SSH2: variants seen among roughly 807,000 people sequenced by gnomAD.
The protein encoded by SSH2 is protein phosphatase Slingshot homolog 2.
SSH2 carries 37 observed loss-of-function variants against 135.2 expected under a neutral mutation model. That is an observed-to-expected ratio of 0.27 (90% CI 0.21 to 0.36). SSH2 has a LOEUF of 0.36. Among genes scored for constraint, SSH2 ranks in the 10% least tolerant of loss-of-function variants. The pLI, the probability that SSH2 is intolerant of heterozygous loss-of-function variation, is 1.00. For synonymous variants in SSH2, 628 were observed against 646.2 expected (o/e 0.97, Z 0.43); for missense variants, 1,408 against 1,765.3 (o/e 0.80, Z 3.63).
intron 2 of SSH2, among the ~76,000 whole-genome samples, chr17:29,802,989 C>T (rs1021132627): frequency 6.6e-6 from 1 of 152,102 alleles, no homozygotes; most frequent in African/African-American, 2.4e-5. Flanking sequence ...TTCTAAGAGA[C>T]ATATGTGCTT....
At chr17:29,864,817 A>G (rs2065827616) in intron 1 of SSH2, among the ~76,000 whole-genome samples, 1 of 152,186 alleles carries the variant, frequency 6.6e-6, no homozygotes, top group Non-Finnish European at 1.5e-5. Context: ...TGTGGTCTCC[A>G]GACCAGCAGA....
chr17:29,815,907 G>A (rs1465393533), intron 2 of SSH2, among the ~76,000 whole-genome samples: 1 of 152,102 alleles, frequency 6.6e-6, no homozygotes, highest in African/African-American at 2.4e-5. Flanking sequence ...GGAGTGCACT[G>A]GCGTGATCTC....
At chr17:29,873,715 G>A (rs140124591) in intron 1 of SSH2, among the ~76,000 whole-genome samples, 162 of 152,242 alleles carry the variant, frequency 1.1e-3, no homozygotes, top group African/African-American at 3.6e-3. Flanking sequence ...TAGGACATAG[G>A]GCCTGAATAG....
intron 2 of SSH2, among the ~76,000 whole-genome samples, chr17:29,820,203 T>C (rs572792667): frequency 6.6e-6 from 1 of 152,306 alleles, no homozygotes; most frequent in South Asian, 2.1e-4. Context: ...ATAATAGCTA[T>C]GTGAATAATG....
chr17:29,647,428 C>T lies in SSH2; in HGVS notation c.1427+716G>A, dbSNP rs141019750. On this transcript the variant is annotated intron_variant, in intron 14 of 15. Coordinates refer to ENST00000540801, the MANE Select transcript of SSH2 (RefSeq NM_001282129.2). Reference sequence around the variant, plus strand: ...ATTTCCAAGAATTTCAGCTAAGCCTCGCATTACCTTGAGAGTCACTGGTAT... The same window carrying T: ...ATTTCCAAGAATTTCAGCTAAGCCTTGCATTACCTTGAGAGTCACTGGTAT... 1.7e-3 allele frequency among the ~76,000 whole-genome samples: 251 copies of T among 151,342 alleles called. 1 individual carries two copies. The highest frequency in any genetic ancestry group is 5.8e-3 in the African/African-American group (240 of 41,304).
Position 29,793,810 on chromosome 17 carries a change from T to C in SSH2, c.188+84A>G, listed in dbSNP as rs573183838. The C allele has an allele frequency of 7.7e-5, 93 of 1,214,358 alleles. No individual in the cohort carries two copies. The African/African-American group carries it at 1.3e-3, about 17-fold the overall frequency. The allele number at this position is 1,214,358 out of a possible 1,614,324, so 75.2% of individuals were successfully genotyped here. A position where few individuals can be genotyped will look rare whatever the true frequency, so the allele number is the denominator to read the frequency against. ...CAAGGATAAGCTAATCTGATAAGACTGAAAAAGAATTAGAGAAAAAACAAT... is the reference window on the plus strand; with the variant it reads ...CAAGGATAAGCTAATCTGATAAGACCGAAAAAGAATTAGAGAAAAAACAAT... On this transcript the variant is annotated intron_variant, in intron 3 of 15. Coordinates refer to ENST00000540801, the MANE Select transcript of SSH2 (RefSeq NM_001282129.2).
At chr17:29,671,169 TA>T (rs2037476802) in intron 9 of SSH2, among the ~76,000 whole-genome samples, 1 of 151,696 alleles carries the variant, frequency 6.6e-6, no homozygotes, top group African/African-American at 2.4e-5. Flanking sequence ...ATAAAATATT[TA>T]AAAAAAATTT....
chr17:29,808,512 T>A (rs553132944), intron 2 of SSH2, among the ~76,000 whole-genome samples: 1 of 152,234 alleles, frequency 6.6e-6, no homozygotes, highest in African/African-American at 2.4e-5. Context: ...CATGTGCTTA[T>A]ATGTGGTAGG....
At chr17:29,641,933 T>G (rs977847030) in intron 14 of SSH2, among the ~76,000 whole-genome samples, 1 of 111,270 alleles carries the variant, frequency 9.0e-6, no homozygotes. Flanking sequence ...AATATAGACA[T>G]TGTCTTTTTT....
At chr17:29,899,801 CA>C (rs974966057) in intron 1 of SSH2, among the ~76,000 whole-genome samples, 1 of 152,008 alleles carries the variant, frequency 6.6e-6, no homozygotes, top group African/African-American at 2.4e-5. Flanking sequence ...CATGTGGAAC[CA>C]AAAAAGAGCC....
intron 1 of SSH2, among the ~76,000 whole-genome samples, chr17:29,872,920 G>C (rs193239029): frequency 2.6e-4 from 40 of 151,118 alleles, no homozygotes; most frequent in African/African-American, 9.7e-4. Flanking sequence ...CACTTGAACC[G>C]GGGAGGCAAA....
intron 3 of SSH2, among the ~76,000 whole-genome samples, chr17:29,715,331 C>T (rs935408262): frequency 1.3e-5 from 2 of 151,770 alleles, no homozygotes; most frequent in South Asian, 2.1e-4. Context: ...CTGCAAGCTC[C>T]GCCTTCCAGG....
intron 1 of SSH2, among the ~76,000 whole-genome samples, chr17:29,857,734 C>T (rs2065688541): frequency 6.6e-6 from 1 of 152,196 alleles, no homozygotes; most frequent in Non-Finnish European, 1.5e-5. Context: ...AATCCTCCTG[C>T]CTTGGCCTCC....
intron 1 of SSH2, among the ~76,000 whole-genome samples, chr17:29,923,977 G>A (rs186444366): frequency 1.3e-5 from 2 of 152,302 alleles, no homozygotes; most frequent in Admixed American, 1.3e-4. Context: ...CAATACATCT[G>A]TGATAGACAC....
chr17:29,676,706 CAA>C (rs1415915778), intron 8 of SSH2, 112 bp downstream of exon 8: 1 of 866,382 alleles, frequency 1.2e-6, no homozygotes, highest in Non-Finnish European at 1.8e-6. Flanking sequence ...GATGGTTATA[CAA>C]ACAGATCATT....
At chr17:29,868,533 T>C (rs927736267) in intron 1 of SSH2, among the ~76,000 whole-genome samples, 1 of 151,446 alleles carries the variant, frequency 6.6e-6, no homozygotes, top group African/African-American at 2.4e-5. Flanking sequence ...AACTCAGGAG[T>C]TCGAGATGAG....
chr17:29,843,077 G>A (rs2043070694), intron 2 of SSH2, among the ~76,000 whole-genome samples: 1 of 152,166 alleles, frequency 6.6e-6, no homozygotes, highest in Non-Finnish European at 1.5e-5. Context: ...TAGCAGAAAC[G>A]AAGAGAGTAA....
At chr17:29,858,889 TA>T (rs987812054) in intron 1 of SSH2, among the ~76,000 whole-genome samples, 24 of 151,062 alleles carry the variant, frequency 1.6e-4, no homozygotes, top group Non-Finnish European at 3.2e-4. Context: ...AATAAATAAA[TA>T]AAATAGAAAA....
chr17:29,796,620 C>T (rs1274036111), intron 2 of SSH2, among the ~76,000 whole-genome samples: 3 of 152,130 alleles, frequency 2.0e-5, no homozygotes, highest in African/African-American at 4.8e-5. Context: ...GGATTATAGG[C>T]GTGAGCCACC....
Sources: allele counts gnomAD v4.1 joint callset (sites outside exome capture counted in the v4.1 genomes callset), GRCh38; gene constraint gnomAD v4.1.1; transcripts MANE v1.5; gene names NCBI Gene and HGNC (gene_info 2026-07-23, HGNC 2026-07-21).